The following AFG2A variants were observed in gnomAD, a reference collection of about 807,000 sequenced individuals.
The protein encoded by AFG2A is ATPase family gene 2 protein homolog A.
At chr4:123,028,427 C>A in the AFG2A span, 19 of 1,583,956 alleles carry the variant, frequency 1.2e-5, no homozygotes, top group Non-Finnish European at 1.5e-5. Context: ...TCGCTACTCT[C>A]TCTTGGCCTC....
chr4:123,057,093 G>A, the AFG2A span: 3 of 971,350 alleles, frequency 3.1e-6, no homozygotes, highest in African/African-American at 3.2e-5. Context: ...CAAAGTGACT[G>A]GGCTTGTTGA....
At chr4:122,962,840 A>G in the AFG2A span, among the ~76,000 whole-genome samples, 3 of 152,218 alleles carry the variant, frequency 2.0e-5, no homozygotes, top group African/African-American at 7.2e-5. Context: ...TTTCACTGCT[A>G]TACCACAGTT....
At chr4:123,195,148 A>G in the AFG2A span, among the ~76,000 whole-genome samples, 44 of 152,316 alleles carry the variant, frequency 2.9e-4, no homozygotes, top group South Asian at 6.8e-3. Flanking sequence ...TTAGTCAATT[A>G]AAAAACAAAA....
At chr4:123,042,472 T>C in the AFG2A span, among the ~76,000 whole-genome samples, 2 of 152,218 alleles carry the variant, frequency 1.3e-5, no homozygotes, top group African/African-American at 4.8e-5. Context: ...GATTAGGATT[T>C]CAGCATATGA....
At chr4:122,950,478 T>A in the AFG2A span, among the ~76,000 whole-genome samples, 2 of 152,270 alleles carry the variant, frequency 1.3e-5, no homozygotes, top group South Asian at 4.1e-4. Flanking sequence ...TAGCTGGGAT[T>A]ACAGGTGTGT....
the AFG2A span, among the ~76,000 whole-genome samples, chr4:123,189,817 T>TTTC: frequency 1.3e-3 from 176 of 132,266 alleles, no homozygotes; most frequent in African/African-American, 4.5e-3. Context: ...TGCTTTTTTT[T>TTTC]TTTTTTTTTT....
At chr4:123,017,249 GGAGAGC>G in the AFG2A span, among the ~76,000 whole-genome samples, 28,029 of 132,968 alleles carry the variant, frequency 0.21, 3,355 homozygotes, top group East Asian at 0.44. Context: ...AGAGGGAGAG[GGAGAGC>G]GAGAGCGAGA....
chr4:123,239,538 T>A, the AFG2A span, among the ~76,000 whole-genome samples: 2,151 of 151,644 alleles, frequency 0.014, 48 homozygotes, highest in African/African-American at 0.049. Flanking sequence ...TCAACATTCT[T>A]AAAAGAATTT....
At chr4:123,141,117 G>A in the AFG2A span, among the ~76,000 whole-genome samples, 1 of 152,228 alleles carries the variant, frequency 6.6e-6, no homozygotes, top group Non-Finnish European at 1.5e-5. Flanking sequence ...CTGTTTTCAT[G>A]TGTTTAAAAG....
At chr4:122,998,488 A>T in the AFG2A span, among the ~76,000 whole-genome samples, 262 of 150,482 alleles carry the variant, frequency 1.7e-3, no homozygotes, top group Middle Eastern at 3.4e-3. Flanking sequence ...CAGTCCCCAG[A>T]GTGTGATGTT....
chr4:123,258,244 G>C, the AFG2A span, among the ~76,000 whole-genome samples: 2 of 152,010 alleles, frequency 1.3e-5, no homozygotes, highest in Admixed American at 6.6e-5. Flanking sequence ...CCCTGTTGAG[G>C]GTTTTTGTTT....
the AFG2A span, among the ~76,000 whole-genome samples, chr4:123,145,813 C>T: frequency 1.3e-5 from 2 of 152,160 alleles, no homozygotes; most frequent in South Asian, 2.1e-4. Flanking sequence ...GAGTGGCATC[C>T]TAATTACTGA....
chr4:123,020,968 A>G, the AFG2A span, among the ~76,000 whole-genome samples: 1 of 152,190 alleles, frequency 6.6e-6, no homozygotes, highest in Admixed American at 6.5e-5. Flanking sequence ...TTCTTCTACC[A>G]GTGTGTGACA....
chr4:123,316,502 T>A, the AFG2A span: 2 of 152,206 alleles, frequency 1.3e-5, no homozygotes, highest in Admixed American at 1.3e-4. Flanking sequence ...CCTTTAGTTG[T>A]TATCTACATA....
At chr4:123,055,737 C>G in the AFG2A span, among the ~76,000 whole-genome samples, 6 of 152,138 alleles carry the variant, frequency 3.9e-5, no homozygotes, top group African/African-American at 1.4e-4. Context: ...GAGAGAGAGA[C>G]ACACACACAT....
At chr4:123,057,188 A>C in the AFG2A span, 24 of 1,613,278 alleles carry the variant, frequency 1.5e-5, no homozygotes, top group Non-Finnish European at 2.0e-5. Flanking sequence ...TCTTTAGCTA[A>C]TGTGGCACTC....
the AFG2A span, among the ~76,000 whole-genome samples, chr4:123,076,562 T>G: frequency 6.6e-6 from 1 of 150,826 alleles, no homozygotes; most frequent in Non-Finnish European, 1.5e-5. Context: ...TTTTTATTTG[T>G]TTTTTTTAGA....
chr4:123,026,229 A>G, the AFG2A span, among the ~76,000 whole-genome samples: 1 of 152,048 alleles, frequency 6.6e-6, no homozygotes, highest in Non-Finnish European at 1.5e-5. Flanking sequence ...GAAATGTGTC[A>G]TCTTGCCAAG....
At chr4:123,190,401 C>T in the AFG2A span, among the ~76,000 whole-genome samples, 1 of 152,134 alleles carries the variant, frequency 6.6e-6, no homozygotes, top group Non-Finnish European at 1.5e-5. Context: ...AAAAATAAAG[C>T]AGTGTGCTTT....
Sources: gnomAD v4.1 joint callset for allele counts (sites outside exome capture counted in the v4.1 genomes callset) on GRCh38, gnomAD v4.1.1 for gene constraint, MANE v1.5 for transcripts, NCBI Gene and HGNC (gene_info 2026-07-23, HGNC 2026-07-21) for gene names.